The following RTP2 variants were observed in gnomAD, a reference collection of about 807,000 sequenced individuals.
RTP2 encodes receptor-transporting protein 2.
Under a neutral mutation model 17.9 loss-of-function variants are expected in RTP2, and 12 were observed. The observed-to-expected ratio is 0.67, with a 90% CI of 0.43 to 1.09. RTP2 has a LOEUF of 1.09. Among genes scored for constraint, RTP2 ranks in the 50% least tolerant of loss-of-function variants. The pLI, the probability that RTP2 is intolerant of heterozygous loss-of-function variation, is 0.00. For missense variants in RTP2, 327 were observed against 295.7 expected (o/e 1.11, Z -0.78); for synonymous variants, 126 against 117.7 (o/e 1.07, Z -0.46).
chr3:187,699,727 C>T (rs1465750081), intron 1 of RTP2, among the ~76,000 whole-genome samples: 1 of 132,442 alleles, frequency 7.6e-6, no homozygotes, highest in Non-Finnish European at 1.6e-5. Context: ...CCCATTGCCA[C>T]TCCACACACA....
chr3:187,704,874 T>A (rs1717951429), upstream of RTP2, among the ~76,000 whole-genome samples: 1 of 152,170 alleles, frequency 6.6e-6, no homozygotes, highest in African/African-American at 2.4e-5. Flanking sequence ...TCTCTAATAG[T>A]GGCACATAGT....
the RTP2 span, among the ~76,000 whole-genome samples, chr3:187,711,863 T>C: frequency 6.6e-6 from 1 of 152,188 alleles, no homozygotes; most frequent in Non-Finnish European, 1.5e-5. Flanking sequence ...ACATAGTGAG[T>C]GCTCAGTAAA....
At chr3:187,709,890 G>T in the RTP2 span, among the ~76,000 whole-genome samples, 1 of 151,986 alleles carries the variant, frequency 6.6e-6, no homozygotes. Flanking sequence ...GGATGTGTCT[G>T]TGAGAGGACA....
chr3:187,698,554 G>C (rs1717747806), exon 2 of RTP2: 1 of 1,614,042 alleles, frequency 6.2e-7, no homozygotes, highest in Non-Finnish European at 8.5e-7. Flanking sequence ...AGCAGGCAGA[G>C]AGAGGCCCAG....
the RTP2 span, among the ~76,000 whole-genome samples, chr3:187,708,493 C>A: frequency 6.6e-6 from 1 of 152,104 alleles, no homozygotes; most frequent in Non-Finnish European, 1.5e-5. Context: ...CAAGGGGACC[C>A]ATTGATGGAA....
the RTP2 span, among the ~76,000 whole-genome samples, chr3:187,707,637 T>G: frequency 6.6e-6 from 1 of 152,182 alleles, no homozygotes; most frequent in Admixed American, 6.5e-5. Flanking sequence ...GGGACCTGGA[T>G]TATGGAGTTT....
the RTP2 span, among the ~76,000 whole-genome samples, chr3:187,714,170 A>T: frequency 5.3e-5 from 8 of 152,296 alleles, no homozygotes; most frequent in East Asian, 1.5e-3. Context: ...TGGAGATGAA[A>T]GGCTTTTGTG....
chr3:187,715,659 G>T, the RTP2 span: 5 of 456,710 alleles, frequency 1.1e-5, no homozygotes, highest in African/African-American at 6.0e-5. Context: ...CTGGTTCTAA[G>T]TCAGAATCAT....
chr3:187,711,106 T>C, the RTP2 span, among the ~76,000 whole-genome samples: 2 of 152,176 alleles, frequency 1.3e-5, no homozygotes, highest in Non-Finnish European at 2.9e-5. Flanking sequence ...TTGGTTTCAG[T>C]GTGCTTTTGA....
intron 1 of RTP2, among the ~76,000 whole-genome samples, chr3:187,700,815 C>T (rs548794001): frequency 1.4e-3 from 220 of 152,324 alleles, no homozygotes; most frequent in African/African-American, 5.1e-3. Context: ...CAGTGCTCAG[C>T]ACATAACAGG....
intron 1 of RTP2, among the ~76,000 whole-genome samples, chr3:187,701,602 C>A (rs1044935943): frequency 8.5e-5 from 13 of 152,198 alleles, no homozygotes; most frequent in African/African-American, 3.1e-4. Flanking sequence ...GTACCCCCTG[C>A]ATTCCCCCAA....
the RTP2 span, among the ~76,000 whole-genome samples, chr3:187,712,847 AG>A: frequency 6.6e-6 from 1 of 152,184 alleles, no homozygotes; most frequent in African/African-American, 2.4e-5. Context: ...TGTTTCCAAA[AG>A]GGGTCCTGAA....
chr3:187,702,285 C>A (rs565863206), exon 1 of RTP2: 8 of 715,188 alleles, frequency 1.1e-5, no homozygotes, highest in African/African-American at 1.8e-5. Context: ...TACCCTGGAA[C>A]CTGTTACCAT....
At chr3:187,713,575 C>T in the RTP2 span, among the ~76,000 whole-genome samples, 49 of 152,318 alleles carry the variant, frequency 3.2e-4, no homozygotes, top group Admixed American at 6.5e-4. Context: ...CCATTGATTA[C>T]TTGGTTCACA....
rs140393576 is a variant in RTP2 at position 187,698,282 on chromosome 3, A to G, written c.*216T>C. 7.7e-4 allele frequency: 421 copies of G among 546,692 alleles called. 1 individual carries two copies. Among genetic ancestry groups the G allele is most frequent in the African/African-American group, 5.5e-3 (293 of 53,448 alleles). The allele number at this position is 546,692 out of a possible 1,614,324, so 33.9% of individuals were successfully genotyped here. ...TGGCAAGCTCTAAAACCTTTATTAC[A>G]CCCTTTTCCCCTTCCCCCAATTATT... On this transcript the variant is annotated 3_prime_UTR_variant, in exon 2 of 2. Coordinates refer to ENST00000358241, the Ensembl canonical transcript of RTP2.
At chr3:187,707,931 G>A in the RTP2 span, among the ~76,000 whole-genome samples, 2 of 152,136 alleles carry the variant, frequency 1.3e-5, no homozygotes, top group African/African-American at 2.4e-5. Context: ...TCTCTAGGGA[G>A]AACACTCCAT....
chr3:187,706,779 T>A (rs141562026), upstream of RTP2, among the ~76,000 whole-genome samples: 789 of 152,162 alleles, frequency 5.2e-3, 3 homozygotes, highest in Non-Finnish European at 8.5e-3. Flanking sequence ...ATTTTTGTAT[T>A]TTTAGTAGAG....
chr3:187,702,154 C>A lies in RTP2; in HGVS notation c.-26G>T. On this transcript the variant is annotated 5_prime_UTR_variant, in exon 1 of 2. It introduces an in-frame stop codon into an upstream open reading frame of the 5' UTR. Coordinates refer to ENST00000358241, the Ensembl canonical transcript of RTP2. ...GGTCCTGCTGGCAGAGGTGGCAGTTCGAGCTCAGCCCTGGTGAGAACACAG... is the reference window on the plus strand; with the variant it reads ...GGTCCTGCTGGCAGAGGTGGCAGTTAGAGCTCAGCCCTGGTGAGAACACAG... The A allele has an allele frequency of 6.3e-7, 1 of 1,579,478 alleles. No homozygotes were observed. Among genetic ancestry groups the A allele is most frequent in the Non-Finnish European group, 8.6e-7 (1 of 1,159,896 alleles).
chr3:187,704,990 A>C (rs1717955710), upstream of RTP2, among the ~76,000 whole-genome samples: 2 of 152,170 alleles, frequency 1.3e-5, no homozygotes, highest in Non-Finnish European at 2.9e-5. Flanking sequence ...AAGGGCCCAA[A>C]TTCTGTGCAC....
Sources: gnomAD v4.1 joint callset for allele counts (sites outside exome capture counted in the v4.1 genomes callset) on GRCh38, gnomAD v4.1.1 for gene constraint, MANE v1.5 for transcripts, NCBI Gene and HGNC (gene_info 2026-07-23, HGNC 2026-07-21) for gene names.